TMTC3: variants seen among roughly 807,000 people sequenced by gnomAD.
The protein encoded by TMTC3 is transmembrane O-mannosyltransferase targeting cadherins 3.
A neutral mutation model predicts 92.2 loss-of-function variants in TMTC3; 52 were observed. The observed-to-expected ratio is 0.56, with a 90% confidence interval of 0.45 to 0.71. The LOEUF (loss-of-function observed/expected upper bound fraction) is 0.71, where lower values mean the gene tolerates loss of function less well. Ranked by LOEUF, TMTC3 falls within the 30% of genes least tolerant of loss-of-function variation. TMTC3 has a pLI of 0.00. For synonymous variants in TMTC3, 339 were observed against 363.3 expected, an observed-to-expected ratio of 0.93 and a Z score of 0.76; for missense variants, 896 against 1,057.1, an observed-to-expected ratio of 0.85 and a Z score of 2.11.
chr12:88,167,003 T>C (rs1209680505), intron 7 of TMTC3, among the ~76,000 whole-genome samples: 1 of 151,942 alleles, frequency 6.6e-6, no homozygotes, highest in East Asian at 1.9e-4. Flanking sequence ...TTTTTTTTTT[T>C]TTTTTTTGGT....
At chr12:88,170,528 CAGTTTGATGGT>C (rs1172666210) in intron 7 of TMTC3, among the ~76,000 whole-genome samples, 2 of 152,004 alleles carry the variant, frequency 1.3e-5, no homozygotes, top group East Asian at 3.9e-4. Flanking sequence ...TGATGGTGAC[CAGTTTGATGGT>C]AGTGATTTTC....
intron 10 of TMTC3, among the ~76,000 whole-genome samples, 187 bp from the exon 11 acceptor site, chr12:88,188,656 T>G (rs766055719): frequency 2.6e-5 from 4 of 152,204 alleles, no homozygotes; most frequent in Non-Finnish European, 4.4e-5. Flanking sequence ...ACAAGAACTT[T>G]AAGGAAGAAG....
In TMTC3 at chr12:88,172,680, A is replaced by G. The variant is rs769808458; in HGVS notation, c.1134A>G (p.Leu378=). 43 of 1,600,744 alleles carry G rather than the reference A, an allele frequency of 2.7e-5. No homozygotes were observed. Among genetic ancestry groups the G allele is most frequent in the Middle Eastern group, 1.7e-4 (1 of 6,044 alleles). Reference sequence around the variant, plus strand: ...GATTTGTTGTTGCCGAGCGAGTATTATATGTTCCCAGCATGGGGTTCTGTA... The same window carrying G: ...GATTTGTTGTTGCCGAGCGAGTATTGTATGTTCCCAGCATGGGGTTCTGTA... ...PVGFVVAERV[L]YVPSMGFCIL... is the part of the protein sequence containing the mutation. The change falls in exon 8 of 14, where the codon TTA becomes TTG. Residue 378 remains leucine, a synonymous_variant. Coordinates refer to ENST00000266712, the MANE Select transcript of TMTC3 (RefSeq NM_181783.4).
intron 10 of TMTC3, among the ~76,000 whole-genome samples, chr12:88,177,624 T>C (rs542721063): frequency 6.6e-6 from 1 of 152,148 alleles, no homozygotes; most frequent in Non-Finnish European, 1.5e-5. Flanking sequence ...GGAGTGCTAT[T>C]GGCGTTTTGA....
At chr12:88,183,615 T>C (rs1183557608) in intron 10 of TMTC3, among the ~76,000 whole-genome samples, 1 of 152,136 alleles carries the variant, frequency 6.6e-6, no homozygotes, top group Non-Finnish European at 1.5e-5. Context: ...TTTTAGGTTA[T>C]TCTGTGTAGT....
chr12:88,166,679 T>C, intron 7 of TMTC3, 97 bp downstream of exon 7: 2 of 1,351,400 alleles, frequency 1.5e-6, no homozygotes, highest in Non-Finnish European at 2.0e-6. Context: ...TTAGAAGCAC[T>C]CCTTTCTTTG....
rs534972290 is a variant in TMTC3, at chr12:88,148,201, A to G, written c.-28-87A>G. On this transcript the variant is annotated intron_variant, in intron 1 of 13. Coordinates refer to ENST00000266712, the MANE Select transcript of TMTC3 (RefSeq NM_181783.4). ...TAGCTGCGCTTTTCTCTGGAGAATT[A>G]ATATGCAATTACTTACCCACCTACT... is the stretch of plus-strand genomic sequence containing the variant. 48 of 762,778 alleles carry G rather than the reference A, an allele frequency of 6.3e-5. 1 individual carries two copies. Among genetic ancestry groups the G allele is most frequent in the Non-Finnish European group, 9.7e-5 (46 of 472,900 alleles). 47.3% of individuals were successfully genotyped at this position (762,778 alleles called of 1,614,324 possible). A position where few individuals can be genotyped will look rare whatever the true frequency, so the allele number is the denominator to read the frequency against.
intron 8 of TMTC3, 109 bp from the exon 9 acceptor site, chr12:88,174,498 T>C (rs2041238308): frequency 1.6e-6 from 2 of 1,226,472 alleles, no homozygotes; most frequent in African/African-American, 1.8e-5. Flanking sequence ...TAAATTAACA[T>C]ATGATATTTT....
intron 4 of TMTC3, among the ~76,000 whole-genome samples, chr12:88,155,948 A>G (rs945936146): frequency 2.0e-5 from 3 of 152,024 alleles, no homozygotes; most frequent in African/African-American, 7.2e-5. Context: ...TGTCTCTACT[A>G]ACAATACAAA....
intron 9 of TMTC3, 101 bp from the exon 10 acceptor site, chr12:88,176,107 A>G (rs1422587878): frequency 1.9e-5 from 15 of 779,176 alleles, no homozygotes; most frequent in Admixed American, 1.2e-4. Context: ...AGACATTTCC[A>G]TAGAACATTA....
chr12:88,178,489 C>T (rs2041282904), intron 10 of TMTC3, among the ~76,000 whole-genome samples: 1 of 151,930 alleles, frequency 6.6e-6, no homozygotes, highest in Non-Finnish European at 1.5e-5. Context: ...CCTTAACTTC[C>T]TCTGTATCTT....
chr12:88,146,034 T>C (rs1031947189), intron 1 of TMTC3, among the ~76,000 whole-genome samples: 1 of 152,128 alleles, frequency 6.6e-6, no homozygotes, highest in Non-Finnish European at 1.5e-5. Flanking sequence ...CTAGGAAAAA[T>C]TAGAAGTTCT....
intron 8 of TMTC3, among the ~76,000 whole-genome samples, chr12:88,174,328 T>A (rs947005806): frequency 6.6e-6 from 1 of 152,032 alleles, no homozygotes; most frequent in Non-Finnish European, 1.5e-5. Context: ...GTTTAAAAAT[T>A]GGTTTTTTCC....
In TMTC3 at chr12:88,197,546, AAAG is replaced by A. The variant is rs2041529196; in HGVS notation, c.*1898_*1900del. 6.6e-6 allele frequency: 1 copy of A among 152,308 alleles called. No homozygotes were observed. The highest frequency in any genetic ancestry group is 2.1e-4 in the South Asian group (1 of 4,830). The allele number at this position is 152,308 out of a possible 1,614,324, so 9.4% of individuals were successfully genotyped here. Reference sequence around the variant, plus strand: ...AGTATCAAGTGGAGGGTAGTTCAGAAAAGTTAATAGGAAATCTTTTGTGACAGC... The same window carrying A: ...AGTATCAAGTGGAGGGTAGTTCAGAATTAATAGGAAATCTTTTGTGACAGC... On this transcript the variant is annotated 3_prime_UTR_variant, in exon 14 of 14. Coordinates refer to ENST00000266712, the MANE Select transcript of TMTC3 (RefSeq NM_181783.4).
intron 10 of TMTC3, among the ~76,000 whole-genome samples, chr12:88,182,980 G>GTTT (rs2041334888): frequency 6.6e-6 from 1 of 152,112 alleles, no homozygotes; most frequent in African/African-American, 2.4e-5. Context: ...CTGTTGAAGG[G>GTTT]GCCCTATAGG....
At chr12:88,166,714 C>T (rs1053152107) in intron 7 of TMTC3, 132 bp downstream of exon 7, 42 of 1,027,676 alleles carry the variant, frequency 4.1e-5, no homozygotes, top group African/African-American at 2.6e-4. Context: ...AATTTATAAA[C>T]GTATTTGAGT....
intron 2 of TMTC3, among the ~76,000 whole-genome samples, chr12:88,149,630 G>A (rs973247706): frequency 1.3e-5 from 2 of 152,068 alleles, no homozygotes; most frequent in African/African-American, 2.4e-5. Context: ...AACATAACAT[G>A]TAACTCTCTG....
intron 2 of TMTC3, 90 bp downstream of exon 2, chr12:88,148,594 C>T: frequency 8.4e-6 from 8 of 957,508 alleles, no homozygotes; most frequent in Non-Finnish European, 1.2e-5. Flanking sequence ...TCAACATTAT[C>T]ATCACAACAG....
chr12:88,167,031 G>A (rs1221992457), intron 7 of TMTC3, among the ~76,000 whole-genome samples: 1 of 133,028 alleles, frequency 7.5e-6, no homozygotes, highest in Non-Finnish European at 1.6e-5. Context: ...TTTCTGTACT[G>A]TTTTTCTTCT....
Sources: gnomAD v4.1 joint callset for allele counts (sites outside exome capture counted in the v4.1 genomes callset) on GRCh38, gnomAD v4.1.1 for gene constraint, MANE v1.5 for transcripts, NCBI Gene and HGNC (gene_info 2026-07-23, HGNC 2026-07-21) for gene names.